The following SLC7A5 variants were observed in gnomAD, a reference collection of about 807,000 sequenced individuals.
SLC7A5 encodes solute carrier family 7 member 5.
Under a neutral mutation model 50.2 loss-of-function variants are expected in SLC7A5, and 23 were observed. The ratio of observed to expected loss-of-function variants is 0.46; its 90% CI spans 0.33 to 0.65. SLC7A5 has a LOEUF of 0.65. Among genes scored for constraint, SLC7A5 ranks in the 30% least tolerant of loss-of-function variants. SLC7A5 has a pLI of 0.02. For missense variants in SLC7A5, 578 were observed against 684.4 expected, an observed-to-expected ratio of 0.84 and a Z score of 1.73; for synonymous variants, 393 against 330.6, an observed-to-expected ratio of 1.19 and a Z score of -2.05.
At chr16:87,850,156 G>A (rs553005319) in intron 2 of SLC7A5, among the ~76,000 whole-genome samples, 1 of 152,202 alleles carries the variant, frequency 6.6e-6, no homozygotes, top group African/African-American at 2.4e-5. Context: ...CCAGCAGGGG[G>A]CGCCAGGAGC....
intron 8 of SLC7A5, among the ~76,000 whole-genome samples, chr16:87,835,664 C>T (rs58443105): frequency 0.094 from 14,313 of 152,100 alleles, 846 homozygotes; most frequent in South Asian, 0.21. Context: ...TTAGTAGAGA[C>T]GGGGTTTCAC....
At chr16:87,851,932 C>A in intron 1 of SLC7A5, 83 bp from the exon 2 acceptor site, 3 of 1,552,770 alleles carry the variant, frequency 1.9e-6, no homozygotes, top group Non-Finnish European at 2.7e-6. Context: ...CGACCCCACC[C>A]CCACCCCAGG....
intron 7 of SLC7A5, among the ~76,000 whole-genome samples, chr16:87,837,247 G>A (rs1264650117): frequency 6.6e-6 from 1 of 152,184 alleles, no homozygotes; most frequent in African/African-American, 2.4e-5. Flanking sequence ...GGGGAGCCCA[G>A]TGTGCTCAGG....
At chr16:87,839,633 C>A in intron 5 of SLC7A5, 69 bp downstream of exon 5, 1 of 1,605,844 alleles carries the variant, frequency 6.2e-7, no homozygotes, top group East Asian at 2.2e-5. Context: ...GGCACCACTC[C>A]GGTCTGGAAG....
At chr16:87,834,384 C>T (rs2054970025) in intron 9 of SLC7A5, 30 bp downstream of exon 9, 1 of 1,550,346 alleles carries the variant, frequency 6.5e-7, no homozygotes, top group Non-Finnish European at 8.7e-7. Context: ...GCAGAGGGTA[C>T]CACGGGCTGT....
rs1401919200 is a variant in SLC7A5, at chr16:87,832,192, C to T, written c.*778G>A. On this transcript the variant is annotated 3_prime_UTR_variant, in exon 10 of 10. Transcript: ENST00000261622. This position sits in a 1 kb window ranked among gnomAD's most constrained non-coding sequence, Gnocchi z 4.6. ...GTCTGCATGAACCAGAACTCAGCCT[C>T]CAAAACTGGACACAGAAATAGCCAA... 2.0e-5 allele frequency: 3 copies of T among 152,252 alleles called. No homozygotes were observed. The highest frequency in any genetic ancestry group is 4.4e-5 in the Non-Finnish European group (3 of 68,076). The allele number at this position is 152,252 out of a possible 1,614,324, so 9.4% of individuals were successfully genotyped here.
intron 2 of SLC7A5, among the ~76,000 whole-genome samples, chr16:87,843,023 G>C (rs907775935): frequency 2.0e-5 from 3 of 152,138 alleles, no homozygotes; most frequent in African/African-American, 7.2e-5. Context: ...AGACCTGCCA[G>C]GCTGCTTGAG....
At chr16:87,842,717 C>T (rs891841351) in intron 2 of SLC7A5, among the ~76,000 whole-genome samples, 1 of 152,200 alleles carries the variant, frequency 6.6e-6, no homozygotes, top group African/African-American at 2.4e-5. Flanking sequence ...CCTGCTGAGG[C>T]CTTGATCTCC....
Position 87,862,388 on chromosome 16 carries a change from C to T in SLC7A5, c.538+6497G>A, listed in dbSNP as rs1022158691. ...TAAGCCCACAGCCATCAAAACCCAC[C>T]CCTTACACCCTTCACCCTTTAGGGA... On this transcript the variant is annotated intron_variant, in intron 1 of 9. Coordinates refer to ENST00000261622, the MANE Select transcript of SLC7A5 (RefSeq NM_003486.7). The surrounding 1 kb of genome is among the most constrained non-coding windows in gnomAD (Gnocchi z 5.3). 3.3e-5 allele frequency among the ~76,000 whole-genome samples: 5 copies of T among 152,340 alleles called. No homozygotes were observed. The highest frequency in any genetic ancestry group is 1.2e-4 in the African/African-American group (5 of 41,582).
At chr16:87,865,410 C>T (rs1277006721) in intron 1 of SLC7A5, among the ~76,000 whole-genome samples, 1 of 152,138 alleles carries the variant, frequency 6.6e-6, no homozygotes, top group Non-Finnish European at 1.5e-5. Context: ...AAAAGGACTG[C>T]TTGGAAAGCT....
chr16:87,838,367 C>A (rs1345810262), intron 6 of SLC7A5, among the ~76,000 whole-genome samples: 1 of 148,994 alleles, frequency 6.7e-6, no homozygotes, highest in African/African-American at 2.5e-5. Context: ...TCTCGGCTCA[C>A]TGCAGTCTCA....
intron 2 of SLC7A5, among the ~76,000 whole-genome samples, chr16:87,842,714 A>G (rs545740729): frequency 3.3e-4 from 51 of 152,242 alleles, no homozygotes; most frequent in African/African-American, 1.2e-3. Flanking sequence ...TGCCCTGCTG[A>G]GGCCTTGATC....
rs1334008655 is a variant in SLC7A5 at position 87,833,047 on chromosome 16, G to A, written c.1469-22C>T. The A allele has an allele frequency of 6.2e-7, 1 of 1,612,168 alleles. No individual in the cohort carries two copies. The highest frequency in any genetic ancestry group is 1.7e-5 in the Admixed American group (1 of 60,010). On this transcript the variant is annotated intron_variant, in intron 9 of 9. Coordinates refer to ENST00000261622, the MANE Select transcript of SLC7A5 (RefSeq NM_003486.7). The surrounding 1 kb of genome is among the most constrained non-coding windows in gnomAD (Gnocchi z 6.0). Reference sequence around the variant, plus strand: ...GAGACTGTCAGGAGAGAAGACAGCTGTGTTAGCCTGGGGGCTGGGTAGGCA... The same window carrying A: ...GAGACTGTCAGGAGAGAAGACAGCTATGTTAGCCTGGGGGCTGGGTAGGCA...
chr16:87,851,474 C>A (rs910600227), intron 2 of SLC7A5, among the ~76,000 whole-genome samples: 1 of 152,194 alleles, frequency 6.6e-6, no homozygotes, highest in Non-Finnish European at 1.5e-5. Context: ...GACATCGCAG[C>A]GTAAAAAACA....
chr16:87,865,073 CCT>C (rs1389949175), intron 1 of SLC7A5, among the ~76,000 whole-genome samples: 2 of 152,180 alleles, frequency 1.3e-5, no homozygotes, highest in African/African-American at 4.8e-5. Context: ...AACACACCTC[CCT>C]CTCTCAGCAG....
intron 7 of SLC7A5, chr16:87,836,879 A>G: frequency 2.0e-6 from 1 of 511,928 alleles, no homozygotes; most frequent in Non-Finnish European, 3.6e-6. Context: ...GAGGGAGGAG[A>G]GGAGGGAAGG....
intron 1 of SLC7A5, among the ~76,000 whole-genome samples, chr16:87,856,917 A>C (rs1395474229): frequency 6.6e-6 from 1 of 152,224 alleles, no homozygotes; most frequent in Non-Finnish European, 1.5e-5. Context: ...ACACATCTGC[A>C]CAGAACAAGG....
rs1489181354 is a variant in SLC7A5, at chr16:87,841,396, TCTGACCA to T, written c.665-248_665-242del. On this transcript the variant is annotated intron_variant, in intron 2 of 9. Transcript: ENST00000261622. This position sits in a 1 kb window ranked among gnomAD's most constrained non-coding sequence, Gnocchi z 4.8. ...GCCCACCTGAGAGGGCACAGGCAGTTCTGACCACTGCCCAGGAGGGCTCCTCAGACGC... is the reference window on the plus strand; with the variant it reads ...GCCCACCTGAGAGGGCACAGGCAGTTCTGCCCAGGAGGGCTCCTCAGACGC... Among the ~76,000 whole-genome samples the T allele has an allele frequency of 1.1e-4, 17 of 152,300 alleles. No homozygotes were observed. Among genetic ancestry groups the T allele is most frequent in the African/African-American group, 3.8e-4 (16 of 41,570 alleles).
At chr16:87,834,792 CA>C (rs2054977686) in intron 8 of SLC7A5, 1 of 625,066 alleles carries the variant, frequency 1.6e-6, no homozygotes, top group African/African-American at 1.8e-5. Flanking sequence ...GGCATGTTGC[CA>C]GGGGCTCAGG....
Sources: allele counts gnomAD v4.1 joint callset (sites outside exome capture counted in the v4.1 genomes callset), GRCh38; gene constraint gnomAD v4.1.1; non-coding constraint Gnocchi (gnomAD v3.1); transcripts MANE v1.5; gene names NCBI Gene and HGNC (gene_info 2026-07-23, HGNC 2026-07-21).